OR1J2: variants seen among roughly 807,000 people sequenced by gnomAD.
The protein encoded by OR1J2 is olfactory receptor 1J2.
For synonymous variants in OR1J2, 142 were observed against 99.7 expected, an observed-to-expected ratio of 1.42 and a Z score of -2.52; for missense variants, 304 against 246.1, an observed-to-expected ratio of 1.24 and a Z score of -1.57.
the OR1J2 span, among the ~76,000 whole-genome samples, chr9:122,552,461 C>CA: frequency 2.0e-5 from 3 of 151,662 alleles, no homozygotes; most frequent in African/African-American, 7.3e-5. Context: ...TGCATAGCAG[C>CA]AAAAAAGGGA....
the OR1J2 span, chr9:122,519,320 C>T: frequency 6.2e-7 from 1 of 1,614,126 alleles, no homozygotes; most frequent in Non-Finnish European, 8.5e-7. Context: ...CCCCCATGTT[C>T]TTCTTCCTCA....
chr9:122,529,944 G>C, the OR1J2 span, among the ~76,000 whole-genome samples: 2 of 152,218 alleles, frequency 1.3e-5, no homozygotes, highest in African/African-American at 2.4e-5. Flanking sequence ...TTAATTTGAG[G>C]GGAAGAGCTC....
chr9:122,500,416 T>G, the OR1J2 span, among the ~76,000 whole-genome samples: 1 of 152,176 alleles, frequency 6.6e-6, no homozygotes, highest in African/African-American at 2.4e-5. Flanking sequence ...AGCATTCCCC[T>G]CTCTGGGATC....
At chr9:122,452,372 A>G in the OR1J2 span, among the ~76,000 whole-genome samples, 5 of 152,166 alleles carry the variant, frequency 3.3e-5, no homozygotes, top group South Asian at 4.1e-4. Context: ...AGTAAATGGC[A>G]TGCTTACCAG....
the OR1J2 span, among the ~76,000 whole-genome samples, chr9:122,577,459 C>T: frequency 5.3e-5 from 8 of 152,096 alleles, no homozygotes; most frequent in African/African-American, 1.9e-4. Flanking sequence ...TAAAAGAAGG[C>T]AAACACCTCA....
the OR1J2 span, among the ~76,000 whole-genome samples, chr9:122,518,676 C>G: frequency 6.6e-6 from 1 of 152,008 alleles, no homozygotes; most frequent in Non-Finnish European, 1.5e-5. Flanking sequence ...GGCTGTTTAT[C>G]TTTGATCCAA....
the OR1J2 span, among the ~76,000 whole-genome samples, chr9:122,566,696 C>A: frequency 6.6e-6 from 1 of 152,138 alleles, no homozygotes; most frequent in African/African-American, 2.4e-5. Flanking sequence ...ATACATATAT[C>A]TCACAATATT....
the OR1J2 span, among the ~76,000 whole-genome samples, chr9:122,535,785 A>C: frequency 6.6e-6 from 1 of 152,276 alleles, no homozygotes; most frequent in South Asian, 2.1e-4. Flanking sequence ...AACAGGCTTC[A>C]TGTGAGCAAC....
chr9:122,580,345 C>T, the OR1J2 span, among the ~76,000 whole-genome samples: 47 of 152,290 alleles, frequency 3.1e-4, no homozygotes, highest in South Asian at 6.2e-4. Flanking sequence ...TAGCCTTCGA[C>T]GTACAGGATG....
chr9:122,567,607 T>C, the OR1J2 span: 1 of 1,612,576 alleles, frequency 6.2e-7, no homozygotes, highest in Non-Finnish European at 8.5e-7. Context: ...TTTCTCAGGC[T>C]GTAGATAAAA....
chr9:122,453,013 A>G, the OR1J2 span, among the ~76,000 whole-genome samples: 1 of 142,844 alleles, frequency 7.0e-6, no homozygotes, highest in Non-Finnish European at 1.5e-5. Flanking sequence ...GGGCAACAAG[A>G]GCAAAGCTTC....
At chr9:122,488,588 T>G in the OR1J2 span, among the ~76,000 whole-genome samples, 1 of 152,224 alleles carries the variant, frequency 6.6e-6, no homozygotes, top group Non-Finnish European at 1.5e-5. Flanking sequence ...TTTTGGTTAG[T>G]GATGACACAT....
At chr9:122,517,681 A>T in the OR1J2 span, among the ~76,000 whole-genome samples, 3 of 151,930 alleles carry the variant, frequency 2.0e-5, no homozygotes, top group Non-Finnish European at 4.4e-5. Context: ...GCCTTGCAGG[A>T]TTTGGTAACT....
the OR1J2 span, among the ~76,000 whole-genome samples, chr9:122,534,502 C>G: frequency 1.3e-5 from 2 of 152,038 alleles, no homozygotes; most frequent in Non-Finnish European, 2.9e-5. Flanking sequence ...GCCTTTAGCT[C>G]CAGCCACCTT....
chr9:122,454,768 T>G, the OR1J2 span, among the ~76,000 whole-genome samples: 2 of 152,204 alleles, frequency 1.3e-5, no homozygotes, highest in African/African-American at 4.8e-5. Context: ...ACGCATCACC[T>G]ATGGTCAGCC....
chr9:122,471,365 C>A, the OR1J2 span: 1 of 152,188 alleles, frequency 6.6e-6, no homozygotes, highest in Non-Finnish European at 1.5e-5. Flanking sequence ...ATAAGAAATG[C>A]CTTTTACCTC....
the OR1J2 span, among the ~76,000 whole-genome samples, chr9:122,488,124 TTTTG>T: frequency 5.3e-5 from 8 of 152,110 alleles, no homozygotes; most frequent in South Asian, 2.1e-4. Flanking sequence ...CTTTTGGGTT[TTTTG>T]TTTGTTTGTT....
the OR1J2 span, among the ~76,000 whole-genome samples, chr9:122,497,808 A>G: frequency 2.6e-5 from 4 of 152,158 alleles, no homozygotes; most frequent in Non-Finnish European, 5.9e-5. Context: ...ATTTAGCGCT[A>G]TAAACTTTCC....
the OR1J2 span, among the ~76,000 whole-genome samples, chr9:122,546,447 G>T: frequency 1.3e-5 from 2 of 152,150 alleles, no homozygotes; most frequent in Non-Finnish European, 2.9e-5. Flanking sequence ...CTCTTAGAAC[G>T]TTTGCTCGCA....
Sources: gnomAD v4.1 joint callset for allele counts (sites outside exome capture counted in the v4.1 genomes callset) on GRCh38, gnomAD v4.1.1 for gene constraint, MANE v1.5 for transcripts, NCBI Gene and HGNC (gene_info 2026-07-23, HGNC 2026-07-21) for gene names.